Variants in TTLL7 observed in about 807,000 individuals in gnomAD.
TTLL7 encodes tubulin polyglutamylase TTLL7.
TTLL7 carries 53 observed loss-of-function variants against 120.2 expected under a neutral mutation model. That is an observed-to-expected ratio of 0.44 (90% confidence interval 0.35 to 0.55). The LOEUF (loss-of-function observed/expected upper bound fraction) is 0.55. TTLL7 is among the 20% of genes least tolerant of loss of function. The probability of loss-of-function intolerance (pLI) is 0.00; values close to 1 mark genes in which losing one functional copy is unlikely to be tolerated. For missense variants in TTLL7, 803 were observed against 1,054.7 expected (o/e 0.76, Z 3.31); for synonymous variants, 353 against 351.7 (o/e 1.00, Z -0.04).
chr1:83,901,518 T>C (rs551759957), intron 18 of TTLL7, among the ~76,000 whole-genome samples: 1 of 152,148 alleles, frequency 6.6e-6, no homozygotes, highest in African/African-American at 2.4e-5. Flanking sequence ...CTCTCTCTTC[T>C]AGATTACAAA....
At chr1:83,881,445 C>T (rs1022159069) in intron 20 of TTLL7, among the ~76,000 whole-genome samples, 1 of 151,554 alleles carries the variant, frequency 6.6e-6, no homozygotes, top group African/African-American at 2.4e-5. Context: ...ACAGACACTT[C>T]TCAAAAGAAG....
At chr1:83,913,546 C>T (rs191473338) in intron 14 of TTLL7, among the ~76,000 whole-genome samples, 1 of 152,268 alleles carries the variant, frequency 6.6e-6, no homozygotes, top group East Asian at 1.9e-4. Flanking sequence ...GTGTGTGATA[C>T]CATCCCTCTA....
intron 20 of TTLL7, among the ~76,000 whole-genome samples, chr1:83,872,513 T>C (rs771279055): frequency 6.6e-6 from 1 of 152,234 alleles, no homozygotes; most frequent in South Asian, 2.1e-4. Context: ...CACTATTCCA[T>C]AGTAGTTGAG....
At chr1:83,881,220 A>C (rs371637354) in intron 20 of TTLL7, among the ~76,000 whole-genome samples, 24 of 151,686 alleles carry the variant, frequency 1.6e-4, no homozygotes, top group African/African-American at 2.9e-4. Context: ...GCAATGGCAA[A>C]AAAAGCCAAA....
chr1:83,907,472 G>C lies in TTLL7; in HGVS notation c.1976C>G (p.Ser659Cys), dbSNP rs1040683359. The change falls in exon 16 of 21, where the codon TCT becomes TGT. Residue 659 changes from serine to cysteine, a missense_variant. This residue lies in a region of TTLL7 where 388 missense variants were observed against 450.4 expected (regional missense o/e 0.86). Coordinates refer to ENST00000260505, the MANE Select transcript of TTLL7 (RefSeq NM_024686.6). ...RHLPHSNDAC[S>C]TNSQVSESLR... Reference sequence around the variant, plus strand: ...ATGACCTACCACTTGAGAGTTGGTAGAGCAGGCATCATTACTGTGAGGCAG... The same window carrying C: ...ATGACCTACCACTTGAGAGTTGGTACAGCAGGCATCATTACTGTGAGGCAG... 3 of 1,612,624 alleles carry C rather than the reference G, an allele frequency of 1.9e-6. No individual in the cohort carries two copies. The African/African-American group carries it at 4.0e-5, about 22-fold the overall frequency.
intron 20 of TTLL7, among the ~76,000 whole-genome samples, chr1:83,871,173 G>A (rs1204355449): frequency 6.6e-5 from 10 of 151,764 alleles, no homozygotes; most frequent in Non-Finnish European, 1.5e-4. Context: ...GTGCTACCAC[G>A]CCCAGCTAAT....
intron 17 of TTLL7, 92 bp downstream of exon 17, chr1:83,906,237 G>A (rs764935673): frequency 9.4e-7 from 1 of 1,066,374 alleles, no homozygotes; most frequent in Non-Finnish European, 1.4e-6. Context: ...CTATGTCACT[G>A]AGCATAATGC....
intron 15 of TTLL7, among the ~76,000 whole-genome samples, chr1:83,910,657 T>C (rs1657600585): frequency 6.6e-6 from 1 of 152,072 alleles, no homozygotes; most frequent in South Asian, 2.1e-4. Flanking sequence ...AAGCCCTGAC[T>C]TAAGTACTCA....
intron 1 of TTLL7, among the ~76,000 whole-genome samples, chr1:83,972,007 T>C (rs753418529): frequency 7.2e-5 from 11 of 151,990 alleles, no homozygotes; most frequent in Admixed American, 2.0e-4. Context: ...GTACAGAGAT[T>C]TCCTCTGTAC....
intron 18 of TTLL7, among the ~76,000 whole-genome samples, chr1:83,901,766 T>A: frequency 1.3e-5 from 2 of 152,080 alleles, no homozygotes; most frequent in Middle Eastern, 3.4e-3. Flanking sequence ...GAGTTCAGCT[T>A]ACTCAGATAA....
intron 1 of TTLL7, among the ~76,000 whole-genome samples, chr1:83,965,132 A>G (rs1223918517): frequency 6.6e-6 from 1 of 151,864 alleles, no homozygotes; most frequent in Non-Finnish European, 1.5e-5. Flanking sequence ...TTTAAAATAG[A>G]CTTGCTTATA....
At chr1:83,954,755 T>C (rs1328252022) in intron 1 of TTLL7, among the ~76,000 whole-genome samples, 2 of 150,352 alleles carry the variant, frequency 1.3e-5, no homozygotes, top group Admixed American at 1.3e-4. Flanking sequence ...TAGCTAATTA[T>C]AACAACACAT....
intron 18 of TTLL7, among the ~76,000 whole-genome samples, chr1:83,897,865 TAAAA>T (rs58157608): frequency 2.4e-5 from 3 of 127,366 alleles, no homozygotes; most frequent in Non-Finnish European, 3.2e-5. Flanking sequence ...TGTTTTCCAT[TAAAA>T]AAAAAAAAAA....
chr1:83,980,231 G>A (rs1651831064), intron 1 of TTLL7: 1 of 152,112 alleles, frequency 6.6e-6, no homozygotes, highest in African/African-American at 2.4e-5. Context: ...TAAAAATGGA[G>A]GTGGTAGTCT....
intron 1 of TTLL7, among the ~76,000 whole-genome samples, chr1:83,973,632 A>C (rs986190259): frequency 3.3e-5 from 5 of 152,064 alleles, no homozygotes; most frequent in African/African-American, 9.7e-5. Flanking sequence ...TGGGAATGCA[A>C]TGAATCTATA....
intron 18 of TTLL7, among the ~76,000 whole-genome samples, chr1:83,893,123 C>G (rs1017059955): frequency 1.3e-5 from 2 of 151,550 alleles, no homozygotes; most frequent in Non-Finnish European, 2.9e-5. Context: ...TTCCAAGAAC[C>G]TAGCTTTTGA....
chr1:83,943,041 T>C (rs1192891425), intron 6 of TTLL7, among the ~76,000 whole-genome samples: 1 of 152,194 alleles, frequency 6.6e-6, no homozygotes. Context: ...GGGCTATTCT[T>C]ACGGTTAGTT....
chr1:83,886,119 G>A (rs1264270129), intron 19 of TTLL7, among the ~76,000 whole-genome samples: 1 of 152,034 alleles, frequency 6.6e-6, no homozygotes, highest in Non-Finnish European at 1.5e-5. Flanking sequence ...ATGAAATCCA[G>A]AGACTTAGAA....
intron 19 of TTLL7, among the ~76,000 whole-genome samples, chr1:83,889,673 G>C (rs1303745454): frequency 6.6e-6 from 1 of 152,098 alleles, no homozygotes. Context: ...ATCTGTGTCA[G>C]ATTCAACACT....
Sources: gnomAD v4.1 joint callset for allele counts (sites outside exome capture counted in the v4.1 genomes callset) on GRCh38, gnomAD v4.1.1 for gene constraint, gnomAD v4.1.1 regional missense constraint, MANE v1.5 for transcripts, NCBI Gene and HGNC (gene_info 2026-07-23, HGNC 2026-07-21) for gene names.